The following MGAT4C variants were observed in gnomAD, a reference collection of about 807,000 sequenced individuals.
MGAT4C encodes MGAT4 family member C.
Under a neutral mutation model 40.1 loss-of-function variants are expected in MGAT4C, and 19 were observed. The ratio of observed to expected loss-of-function variants is 0.47; its 90% CI spans 0.33 to 0.70. The LOEUF is 0.70. Ranked by LOEUF, MGAT4C falls within the 30% of genes least tolerant of loss-of-function variation. MGAT4C has a pLI of 0.02. For synonymous variants in MGAT4C, 181 were observed against 187.1 expected, an observed-to-expected ratio of 0.97 and a Z score of 0.27; for missense variants, 491 against 563.2, an observed-to-expected ratio of 0.87 and a Z score of 1.30.
intron 4 of MGAT4C, among the ~76,000 whole-genome samples, chr12:86,295,340 T>C (rs1953636989): frequency 6.6e-6 from 1 of 152,186 alleles, no homozygotes; most frequent in Non-Finnish European, 1.5e-5. Context: ...TTTGTTGGTC[T>C]CACTGACTTC....
At chr12:86,359,861 C>T (rs9634175) in intron 3 of MGAT4C, among the ~76,000 whole-genome samples, 110,430 of 151,986 alleles carry the variant, frequency 0.73, 40,353 homozygotes, top group East Asian at 0.91. Context: ...CAAAAAACGT[C>T]CAGGACCAGA....
chr12:86,240,170 A>G (rs1368812878), intron 1 of MGAT4C, among the ~76,000 whole-genome samples: 1 of 151,160 alleles, frequency 6.6e-6, no homozygotes, highest in Non-Finnish European at 1.5e-5. Flanking sequence ...AAGCACACAC[A>G]CACACATACA....
At position 85,993,284 on chromosome 12, in the gene MGAT4C, A is replaced by G. The variant is rs117871498; in HGVS notation, c.-6-3732T>C. ...AGAGAATTTTGGAAATGAGCTTTAT[A>G]TCTTATATAGGGCCAGGGATGGGGA... On this transcript the variant is annotated intron_variant, in intron 2 of 4. Coordinates refer to ENST00000611864, the MANE Select transcript of MGAT4C (RefSeq NM_001351288.2). Among the ~76,000 whole-genome samples the G allele has an allele frequency of 2.4e-3, 363 of 152,308 alleles. 4 individuals are homozygous for G. The highest frequency in any genetic ancestry group is 4.4e-3 in the Non-Finnish European group (296 of 68,004).
In MGAT4C at chr12:85,957,657, C is replaced by CAAAAAAAAAAAAAAAAAAAAAAAAGA. The variant is rs5799763; in HGVS notation, c.*21631_*21632insTCTTTTTTTTTTTTTTTTTTTTTTTT. ...TTTACTGTAGAGTTGAATAAGAAAG[C>CAAAAAAAAAAAAAAAAAAAAAAAAGA]AAAAAAAAAAAAAAAAGAAAAAAGA... On this transcript the variant is annotated 3_prime_UTR_variant, in exon 5 of 5. Transcript: ENST00000611864. 2 of 101,298 alleles carry CAAAAAAAAAAAAAAAAAAAAAAAAGA rather than the reference C, an allele frequency of 2.0e-5. No homozygotes were observed. The highest frequency in any genetic ancestry group is 3.8e-5 in the Non-Finnish European group (2 of 52,742). The allele number at this position is 101,298 out of a possible 1,614,324, so 6.3% of individuals were successfully genotyped here. A position where few individuals can be genotyped will look rare whatever the true frequency, so the allele number is the denominator to read the frequency against.
Position 86,760,433 on chromosome 12 carries a change from T to C in MGAT4C, c.-261-33192A>G, listed in dbSNP as rs138406178. Among the ~76,000 whole-genome samples the C allele has an allele frequency of 2.2e-3, 334 of 152,100 alleles. 4 individuals carry two copies. The Middle Eastern group carries it at 0.058, about 26-fold the overall frequency. On this transcript the variant is annotated intron_variant, in intron 1 of 7. Transcript: ENST00000548651. The stretch of plus-strand genomic sequence containing the variant: ...TTTTCCAAGTAGCAAACACCAAATG[T>C]AAAATGAGTGATTCAAATTCAATGA...
At chr12:85,993,917 C>T (rs1436613943) in intron 2 of MGAT4C, among the ~76,000 whole-genome samples, 18 of 152,146 alleles carry the variant, frequency 1.2e-4, no homozygotes. Flanking sequence ...ACGCAGGCAC[C>T]CCTGAGCCTG....
At chr12:86,633,908 C>T (rs1032285854) in intron 2 of MGAT4C, among the ~76,000 whole-genome samples, 2 of 151,782 alleles carry the variant, frequency 1.3e-5, no homozygotes, top group African/African-American at 4.8e-5. Flanking sequence ...CTTTATTTTG[C>T]TCGAGTTTTT....
chr12:86,519,379 T>C (rs751711321), intron 2 of MGAT4C, among the ~76,000 whole-genome samples: 4 of 152,178 alleles, frequency 2.6e-5, no homozygotes, highest in African/African-American at 4.8e-5. Flanking sequence ...AGTGCAGATA[T>C]CTCTTTGAAA....
chr12:86,475,516 CATCA>C (rs1306572545), intron 2 of MGAT4C, among the ~76,000 whole-genome samples: 1 of 151,770 alleles, frequency 6.6e-6, no homozygotes, highest in African/African-American at 2.4e-5. Flanking sequence ...AATTGTTAGT[CATCA>C]ATTTGAAAAG....
chr12:86,293,432 T>A (rs914747260), intron 4 of MGAT4C, among the ~76,000 whole-genome samples: 18 of 152,142 alleles, frequency 1.2e-4, no homozygotes, highest in Admixed American at 7.2e-4. Flanking sequence ...TTTCTGTTTT[T>A]AAAAAAATAA....
rs545695067 is a variant in MGAT4C, at chr12:85,973,201, C to T, written c.*6088G>A. 2 of 150,854 alleles carry T rather than the reference C, an allele frequency of 1.3e-5. No individual in the cohort carries two copies. The highest frequency in any genetic ancestry group is 1.9e-4 in the East Asian group (1 of 5,176). 9.3% of individuals were successfully genotyped at this position (150,854 alleles called of 1,614,324 possible). On this transcript the variant is annotated 3_prime_UTR_variant, in exon 5 of 5. Coordinates refer to ENST00000611864, the MANE Select transcript of MGAT4C (RefSeq NM_001351288.2). ...GAAAGGGTGGAAGAGACAAATCCTA[C>T]GTCTCTTCCAGAACTTCGAGTGCAC...
At chr12:86,359,563 A>G (rs993620735) in intron 3 of MGAT4C, among the ~76,000 whole-genome samples, 15 of 152,154 alleles carry the variant, frequency 9.9e-5, no homozygotes, top group Non-Finnish European at 2.9e-5. Context: ...GAAAAGATCA[A>G]CAAAATGGAT....
Position 86,138,748 on chromosome 12 carries a change from A to G in MGAT4C, c.-56-89025T>C, listed in dbSNP as rs1302022235. Among the ~76,000 whole-genome samples, 4 of 151,490 alleles carry G rather than the reference A, an allele frequency of 2.6e-5. No individual in the cohort carries two copies. The East Asian group carries it at 5.8e-4, about 22-fold the overall frequency. On this transcript the variant is annotated intron_variant, in intron 1 of 4. Coordinates refer to ENST00000611864, the MANE Select transcript of MGAT4C (RefSeq NM_001351288.2). ...CATCTCTATATTAGGTACTCACACT[A>G]TGGAGGAAAATTAACAAGAGAACTG...
At chr12:86,590,357 G>A (rs1182885895) in intron 2 of MGAT4C, among the ~76,000 whole-genome samples, 1 of 151,420 alleles carries the variant, frequency 6.6e-6, no homozygotes, top group African/African-American at 2.4e-5. Flanking sequence ...CTGTCTTTCT[G>A]CTTTCAACCC....
chr12:86,798,197 T>C (rs550894291), intron 1 of MGAT4C, among the ~76,000 whole-genome samples: 112 of 152,090 alleles, frequency 7.4e-4, no homozygotes, highest in African/African-American at 2.6e-3. Flanking sequence ...CCAGCCTTGT[T>C]CACGTTATGA....
At chr12:86,365,035 C>T (rs10776965) in intron 3 of MGAT4C, among the ~76,000 whole-genome samples, 110,457 of 152,028 alleles carry the variant, frequency 0.73, 40,370 homozygotes, top group East Asian at 0.91. Context: ...CGTCCTAATA[C>T]GCCTGGGAGC....
At chr12:86,807,701 ACTGT>A (rs1171366674) in intron 1 of MGAT4C, among the ~76,000 whole-genome samples, 14 of 152,242 alleles carry the variant, frequency 9.2e-5, no homozygotes, top group African/African-American at 3.1e-4. Flanking sequence ...GAATCCCCGC[ACTGT>A]CGTCCATAAT....
At chr12:86,718,130 C>A (rs1019925531) in intron 2 of MGAT4C, among the ~76,000 whole-genome samples, 1 of 152,156 alleles carries the variant, frequency 6.6e-6, no homozygotes, top group African/African-American at 2.4e-5. Flanking sequence ...AAGCCCCCCA[C>A]AACAAAATTG....
At chr12:86,542,440 ACAC>A (rs1933765717) in intron 2 of MGAT4C, among the ~76,000 whole-genome samples, 1 of 152,200 alleles carries the variant, frequency 6.6e-6, no homozygotes, top group South Asian at 2.1e-4. Flanking sequence ...AACTGTGTAG[ACAC>A]CACCATCTGA....
Sources: allele counts gnomAD v4.1 joint callset (sites outside exome capture counted in the v4.1 genomes callset), GRCh38; gene constraint gnomAD v4.1.1; transcripts MANE v1.5; gene names NCBI Gene and HGNC (gene_info 2026-07-23, HGNC 2026-07-21).